NDP: variants seen among roughly 807,000 people sequenced by gnomAD.
NDP encodes the protein norrin.
Under a neutral mutation model 8.4 loss-of-function variants are expected in NDP, and 2 were observed. The ratio of observed to expected loss-of-function variants is 0.24; its 90% CI spans 0.10 to 0.75. The LOEUF (loss-of-function observed/expected upper bound fraction) is 0.75, where lower values mean the gene tolerates loss of function less well. Among genes scored for constraint, NDP ranks in the 30% least tolerant of loss-of-function variants. The probability of loss-of-function intolerance (pLI) is 0.73; values close to 1 mark genes in which losing one functional copy is unlikely to be tolerated. For missense variants in NDP, 81 were observed against 110.1 expected, an observed-to-expected ratio of 0.74 and a Z score of 1.18; for synonymous variants, 55 against 45.6, an observed-to-expected ratio of 1.21 and a Z score of -0.83.
rs1179503761 is a variant in NDP at position 43,958,736 on chromosome X, G to A, written c.-91C>T. On this transcript the variant is annotated 5_prime_UTR_variant, in exon 2 of 3. The change creates a new upstream start codon in the 5' untranslated region. Transcript: ENST00000642620. ...GCTTCACCTCCTAGGATCCAGTCCC[G>A]TTCAAGGAAAGGGCAGGATCGGGCT... 4 of 807,259 alleles carry A rather than the reference G, an allele frequency of 5.0e-6. No individual in the cohort carries two copies. The highest frequency in any genetic ancestry group is 7.4e-6 in the Non-Finnish European group (4 of 541,673). 66.5% of individuals were successfully genotyped at this position (807,259 alleles called of 1,213,427 possible). A position where few individuals can be genotyped will look rare whatever the true frequency, so the allele number is the denominator to read the frequency against.
rs1159086995 is a variant in NDP, at chrX:43,958,671, A to G, written c.-26T>C. On this transcript the variant is annotated 5_prime_UTR_variant, in exon 2 of 3. Coordinates refer to ENST00000642620, the MANE Select transcript of NDP (RefSeq NM_000266.4). ...TGTTGTAAGGAAAAACTTCTCTAGA[A>G]GAACAGCAGAGGGAGGCAGAGGACA... 2 of 1,189,393 alleles carry G rather than the reference A, an allele frequency of 1.7e-6. No homozygotes were observed. The highest frequency in any genetic ancestry group is 1.1e-6 in the Non-Finnish European group (1 of 875,469).
chrX:43,962,828 G>T (rs1274010994), intron 1 of NDP, among the ~76,000 whole-genome samples: 1 of 111,894 alleles, frequency 8.9e-6, no homozygotes, highest in Non-Finnish European at 1.9e-5. Context: ...CGACTTTGGA[G>T]CTACCTTCCA....
At chrX:43,966,120 TGTTGAA>T (rs2035856638) in intron 1 of NDP, among the ~76,000 whole-genome samples, 1 of 112,469 alleles carries the variant, frequency 8.9e-6, no homozygotes, top group African/African-American at 3.2e-5. Flanking sequence ...GGTACTTTTC[TGTTGAA>T]GTCTTTTCCT....
intron 1 of NDP, among the ~76,000 whole-genome samples, chrX:43,971,325 C>T (rs1358873831): frequency 2.7e-5 from 3 of 112,228 alleles, no homozygotes; most frequent in African/African-American, 9.7e-5. Context: ...ATAAAGATTG[C>T]TGGCCACCAT....
chrX:43,969,280 G>A (rs1003645546), intron 1 of NDP, among the ~76,000 whole-genome samples: 4 of 111,670 alleles, frequency 3.6e-5, no homozygotes, highest in African/African-American at 9.8e-5. Context: ...AAAGACATTC[G>A]GGTCTGTGCT....
At chrX:43,963,400 T>C (rs1380063847) in intron 1 of NDP, among the ~76,000 whole-genome samples, 1 of 111,790 alleles carries the variant, frequency 8.9e-6, no homozygotes, top group Non-Finnish European at 1.9e-5. Context: ...CCAGTATTCA[T>C]TGCATCATTT....
intron 2 of NDP, among the ~76,000 whole-genome samples, chrX:43,956,603 A>G (rs1418835847): frequency 1.8e-5 from 2 of 112,026 alleles, no homozygotes; most frequent in Non-Finnish European, 3.8e-5. Context: ...AATCTAACCT[A>G]GAAAAGGTCT....
At chrX:43,968,450 G>A (rs533280674) in intron 1 of NDP, among the ~76,000 whole-genome samples, 3 of 112,928 alleles carry the variant, frequency 2.7e-5, no homozygotes, top group Middle Eastern at 4.6e-3. Flanking sequence ...GCACAGCCAA[G>A]AGAGTACTGA....
At chrX:43,963,235 C>T in intron 1 of NDP, among the ~76,000 whole-genome samples, 1 of 112,044 alleles carries the variant, frequency 8.9e-6, no homozygotes, top group Admixed American at 9.4e-5. Flanking sequence ...TCTCCTTTTG[C>T]TCTAGCAGAT....
chrX:43,966,565 G>C (rs1696100037), intron 1 of NDP: 1 of 111,429 alleles, frequency 9.0e-6, no homozygotes, highest in African/African-American at 3.3e-5. Flanking sequence ...CAACTCAGAG[G>C]ACTCAGTCTT....
rs2035751551 is a variant in NDP at position 43,949,980 on chromosome X, C to T, written c.221G>A (p.Arg74His). The T allele has an allele frequency of 8.3e-7, 1 of 1,207,805 alleles. No homozygotes were observed. Among genetic ancestry groups the T allele is most frequent in the South Asian group, 1.8e-5 (1 of 55,940 alleles). Residue 74 changes from arginine (R) to histidine (H), a missense_variant, in exon 3 of 3, where the codon CGC becomes CAC. Coordinates refer to ENST00000642620, the MANE Select transcript of NDP (RefSeq NM_000266.4). ...GCTGAACGACACCAAAGGCTCGGAG[C>T]GTGACGCCTGGCTGCAGTGCCCCTC... ...RCEGHCSQAS[R>H]SEPLVSFSTV...
chrX:43,966,684 G>A (rs2035859567), intron 1 of NDP: 1 of 112,172 alleles, frequency 8.9e-6, no homozygotes, highest in Admixed American at 9.4e-5. Context: ...CTGTACTGCT[G>A]GCTGTGGTAT....
chrX:43,948,816 TCAAAATTTGAGCCTCCAGGAC>T lies in NDP; in HGVS notation c.*962_*982del, dbSNP rs1200802799. On this transcript the variant is annotated 3_prime_UTR_variant, in exon 3 of 3. Transcript: ENST00000642620. ...TTTTATTTCAAAACGTGGGAATAAC[TCAAAATTTGAGCCTCCAGGAC>T]CAAAACACATTTGAACCAAACGTTC... 8.9e-6 allele frequency: 1 copy of T among 111,830 alleles called. No homozygotes were observed. The highest frequency in any genetic ancestry group is 1.9e-5 in the Non-Finnish European group (1 of 53,215). The allele number at this position is 111,830 out of a possible 1,213,427, so 9.2% of individuals were successfully genotyped here. A position where few individuals can be genotyped will look rare whatever the true frequency, so the allele number is the denominator to read the frequency against.
At chrX:43,966,140 G>C (rs750220839) in intron 1 of NDP, among the ~76,000 whole-genome samples, 1 of 112,177 alleles carries the variant, frequency 8.9e-6, no homozygotes, top group Non-Finnish European at 1.9e-5. Context: ...TTTTCCTCTA[G>C]GGATTTGATT....
chrX:43,966,248 T>C (rs1179150807), intron 1 of NDP, among the ~76,000 whole-genome samples: 1 of 111,622 alleles, frequency 9.0e-6, no homozygotes, highest in Non-Finnish European at 1.9e-5. Context: ...GTGCCACAAA[T>C]CAACAGTAGC....
chrX:43,961,739 T>G (rs188649007), intron 1 of NDP, among the ~76,000 whole-genome samples: 72 of 111,777 alleles, frequency 6.4e-4, no homozygotes, highest in African/African-American at 2.1e-3. Flanking sequence ...TTAATGGATG[T>G]TTACTGTTTG....
intron 1 of NDP, among the ~76,000 whole-genome samples, chrX:43,965,189 A>G (rs2035850508): frequency 9.0e-6 from 1 of 111,578 alleles, no homozygotes; most frequent in Non-Finnish European, 1.9e-5. Flanking sequence ...CAGTGTTGGG[A>G]GGATCACTTA....
At chrX:43,962,592 C>T (rs756003835) in intron 1 of NDP, among the ~76,000 whole-genome samples, 8 of 111,815 alleles carry the variant, frequency 7.2e-5, no homozygotes, top group Admixed American at 1.9e-4. Context: ...TTTTTTAAGA[C>T]GTGTCATAAA....
chrX:43,957,796 C>T (rs968762815), intron 2 of NDP, among the ~76,000 whole-genome samples: 8 of 100,929 alleles, frequency 7.9e-5, no homozygotes, highest in East Asian at 6.1e-4. Flanking sequence ...CGTGAGATCT[C>T]GTATGTTCCA....
Sources: allele counts gnomAD v4.1 joint callset (sites outside exome capture counted in the v4.1 genomes callset), GRCh38; gene constraint gnomAD v4.1.1; transcripts MANE v1.5; gene names NCBI Gene and HGNC (gene_info 2026-07-23, HGNC 2026-07-21).